SLC24A2: variants seen among roughly 807,000 people sequenced by gnomAD.
The protein encoded by SLC24A2 is sodium/potassium/calcium exchanger 2.
Under a neutral mutation model 62.0 loss-of-function variants are expected in SLC24A2, and 36 were observed. The observed-to-expected ratio is 0.58, with a 90% CI of 0.44 to 0.77. The LOEUF is 0.77. Among genes scored for constraint, SLC24A2 ranks in the 30% least tolerant of loss-of-function variants. SLC24A2 has a pLI of 0.00. For synonymous variants in SLC24A2, 358 were observed against 294.0 expected, an observed-to-expected ratio of 1.22 and a Z score of -2.23; for missense variants, 846 against 817.9, an observed-to-expected ratio of 1.03 and a Z score of -0.42.
chr9:20,223,087 G>C, the SLC24A2 span, among the ~76,000 whole-genome samples: 1 of 152,014 alleles, frequency 6.6e-6, no homozygotes, highest in Non-Finnish European at 1.5e-5. Context: ...TGTTCCTACT[G>C]ATTGTGGATT....
At chr9:20,104,972 A>G in the SLC24A2 span, among the ~76,000 whole-genome samples, 1 of 152,236 alleles carries the variant, frequency 6.6e-6, no homozygotes, top group Non-Finnish European at 1.5e-5. Flanking sequence ...GCAGAGACAC[A>G]CATAGGCTCA....
intron 2 of SLC24A2, chr9:19,705,293 G>T (rs546467026): frequency 1.3e-5 from 2 of 152,908 alleles, no homozygotes; most frequent in Non-Finnish European, 2.9e-5. Context: ...GCATTGTGGC[G>T]TGACTATGAG....
At chr9:19,850,184 A>G in the SLC24A2 span, among the ~76,000 whole-genome samples, 1 of 152,130 alleles carries the variant, frequency 6.6e-6, no homozygotes, top group Non-Finnish European at 1.5e-5. Context: ...TCATCATAAT[A>G]GTTAATAATT....
At chr9:20,115,108 G>T in the SLC24A2 span, among the ~76,000 whole-genome samples, 1 of 152,064 alleles carries the variant, frequency 6.6e-6, no homozygotes, top group Non-Finnish European at 1.5e-5. Flanking sequence ...ACATACAATA[G>T]CCTGGGACAA....
the SLC24A2 span, among the ~76,000 whole-genome samples, chr9:20,139,666 T>A: frequency 6.6e-6 from 1 of 152,190 alleles, no homozygotes; most frequent in African/African-American, 2.4e-5. Flanking sequence ...CATAAAAATA[T>A]AGACCCAAGA....
the SLC24A2 span, among the ~76,000 whole-genome samples, chr9:20,018,910 A>G: frequency 6.6e-6 from 1 of 152,034 alleles, no homozygotes; most frequent in African/African-American, 2.4e-5. Context: ...CAAAACATGC[A>G]AAAATTAGCC....
the SLC24A2 span, among the ~76,000 whole-genome samples, chr9:20,063,386 G>A: frequency 3.3e-5 from 5 of 150,532 alleles, no homozygotes; most frequent in African/African-American, 9.8e-5. Context: ...GTAAACTATT[G>A]CAAGAACAAA....
chr9:19,522,691 C>G (rs375306881), intron 9 of SLC24A2, among the ~76,000 whole-genome samples: 24 of 152,132 alleles, frequency 1.6e-4, no homozygotes, highest in Non-Finnish European at 2.8e-4. Flanking sequence ...TTGGTCACCA[C>G]GATCTCCCTA....
chr9:20,228,091 T>C, the SLC24A2 span, among the ~76,000 whole-genome samples: 1 of 152,230 alleles, frequency 6.6e-6, no homozygotes, highest in Admixed American at 6.6e-5. Flanking sequence ...ACACAAACAC[T>C]AGAATGTCAG....
the SLC24A2 span, among the ~76,000 whole-genome samples, chr9:19,856,435 G>A: frequency 4.6e-5 from 7 of 151,980 alleles, no homozygotes; most frequent in South Asian, 8.3e-4. Flanking sequence ...ATCTACCTTC[G>A]AACTTTGAGG....
chr9:19,767,194 G>A (rs1188682315), intron 2 of SLC24A2, among the ~76,000 whole-genome samples: 2 of 152,186 alleles, frequency 1.3e-5, no homozygotes, highest in Non-Finnish European at 2.9e-5. Context: ...TGCTGGTAGC[G>A]AGAATTTCAA....
chr9:19,709,390 C>G (rs572809590), intron 2 of SLC24A2, among the ~76,000 whole-genome samples: 10 of 152,294 alleles, frequency 6.6e-5, no homozygotes, highest in Middle Eastern at 3.4e-3. Context: ...TTTGACCCAG[C>G]CATCCCATTA....
intron 2 of SLC24A2, among the ~76,000 whole-genome samples, chr9:19,639,726 A>C (rs1434333811): frequency 6.6e-6 from 1 of 152,246 alleles, no homozygotes; most frequent in East Asian, 1.9e-4. Flanking sequence ...TCACATAGGG[A>C]AACTGAGACA....
At chr9:20,273,731 T>C in the SLC24A2 span, among the ~76,000 whole-genome samples, 1 of 152,202 alleles carries the variant, frequency 6.6e-6, no homozygotes, top group Non-Finnish European at 1.5e-5. Flanking sequence ...TATGTCTTTA[T>C]TAGCAGTGTG....
At chr9:20,290,831 G>C in the SLC24A2 span, among the ~76,000 whole-genome samples, 1 of 152,348 alleles carries the variant, frequency 6.6e-6, no homozygotes, top group East Asian at 1.9e-4. Context: ...AAGGGATGGA[G>C]TCCTCAGAGG....
intron 2 of SLC24A2, among the ~76,000 whole-genome samples, chr9:19,715,372 C>T (rs1008822034): frequency 1.3e-5 from 2 of 152,230 alleles, no homozygotes; most frequent in East Asian, 3.9e-4. Context: ...GTCATAATTG[C>T]CTAGCTGGAG....
At chr9:19,830,786 C>A in the SLC24A2 span, among the ~76,000 whole-genome samples, 1 of 152,110 alleles carries the variant, frequency 6.6e-6, no homozygotes, top group Admixed American at 6.5e-5. Flanking sequence ...GCAGAGGACA[C>A]TGAATGAATG....
intron 4 of SLC24A2, among the ~76,000 whole-genome samples, chr9:19,608,043 A>C (rs1021594444): frequency 6.6e-6 from 1 of 152,200 alleles, no homozygotes; most frequent in Non-Finnish European, 1.5e-5. Flanking sequence ...GTCCTCCTCT[A>C]TCCAGGGATT....
chr9:20,054,584 C>G, the SLC24A2 span, among the ~76,000 whole-genome samples: 16,305 of 152,194 alleles, frequency 0.11, 876 homozygotes, highest in East Asian at 0.17. Context: ...TCACCCCCCT[C>G]CCATGCTTCC....
Sources: gnomAD v4.1 joint callset for allele counts (sites outside exome capture counted in the v4.1 genomes callset) on GRCh38, gnomAD v4.1.1 for gene constraint, MANE v1.5 for transcripts, NCBI Gene and HGNC (gene_info 2026-07-23, HGNC 2026-07-21) for gene names.